The following SLC38A9 variants were observed in gnomAD, a reference collection of about 807,000 sequenced individuals.
SLC38A9 encodes the protein solute carrier family 38 member 9, also known as neutral amino acid transporter 9.
SLC38A9 carries 48 observed loss-of-function variants against 62.3 expected under a neutral mutation model. The observed-to-expected ratio is 0.77, with a 90% confidence interval of 0.61 to 0.98. The LOEUF is 0.98. Ranked by LOEUF, SLC38A9 falls within the 50% of genes least tolerant of loss-of-function variation. SLC38A9 has a pLI of 0.00. For synonymous variants in SLC38A9, 204 were observed against 227.7 expected, an observed-to-expected ratio of 0.90 and a Z score of 0.94; for missense variants, 541 against 679.8, an observed-to-expected ratio of 0.80 and a Z score of 2.27.
chr5:55,631,395 A>G (rs1196964490), intron 14 of SLC38A9, among the ~76,000 whole-genome samples: 1 of 152,260 alleles, frequency 6.6e-6, no homozygotes, highest in East Asian at 1.9e-4. Context: ...GACTTTTTCC[A>G]AGAAGAAAAA....
At chr5:55,630,626 T>A (rs1481634828) in intron 14 of SLC38A9, among the ~76,000 whole-genome samples, 1 of 152,090 alleles carries the variant, frequency 6.6e-6, no homozygotes, top group African/African-American at 2.4e-5. Context: ...AAATTAAAAA[T>A]TTTTTGAAAG....
chr5:55,706,715 G>A (rs1171908224), intron 2 of SLC38A9, among the ~76,000 whole-genome samples: 1 of 152,164 alleles, frequency 6.6e-6, no homozygotes, highest in Non-Finnish European at 1.5e-5. Flanking sequence ...ATGAAGAACT[G>A]TAAGAAAACT....
chr5:55,703,754 A>G (rs1756945317), intron 2 of SLC38A9, among the ~76,000 whole-genome samples: 2 of 152,206 alleles, frequency 1.3e-5, no homozygotes, highest in African/African-American at 4.8e-5. Flanking sequence ...GATGGAATGA[A>G]GTTAGGATTG....
At chr5:55,656,132 T>C (rs1748380443) in intron 9 of SLC38A9, among the ~76,000 whole-genome samples, 1 of 151,634 alleles carries the variant, frequency 6.6e-6, no homozygotes, top group South Asian at 2.1e-4. Context: ...ATATGGATAC[T>C]GTAGATAAAA....
intron 2 of SLC38A9, among the ~76,000 whole-genome samples, chr5:55,709,776 G>A (rs1393986017): frequency 6.6e-6 from 1 of 151,986 alleles, no homozygotes; most frequent in African/African-American, 2.4e-5. Context: ...AGAAATCTAA[G>A]GCTAACTGGC....
rs759238694 is a variant in SLC38A9, at chr5:55,664,860, G to A, written c.530C>T (p.Ser177Leu). ...RVVKSRTMMF[S>L]LDTTSWEYPD... ...ATATTCCCAGCTAGTGGTATCCAAC[G>A]AAACTAGATAAAATAAGAGAAAGAA... The change falls in exon 8 of 16, where the codon TCG (serine) becomes TTG (leucine). Residue 177 changes from serine (S) to leucine (L), a missense_variant. Ser to Leu is a moderately radical substitution (Grantham distance 145). Transcript: ENST00000396865. 6.6e-7 allele frequency: 1 copy of A among 1,522,018 alleles called. No homozygotes were observed. The highest frequency in any genetic ancestry group is 1.4e-5 in the African/African-American group (1 of 70,802). 94.3% of individuals were successfully genotyped at this position (1,522,018 alleles called of 1,614,324 possible).
intron 3 of SLC38A9, among the ~76,000 whole-genome samples, chr5:55,679,552 C>T (rs10940481): frequency 0.6 from 91,061 of 151,530 alleles, 27,900 homozygotes; most frequent in South Asian, 0.7. Context: ...TCTCTTATTT[C>T]TATGTCTACA....
intron 2 of SLC38A9, among the ~76,000 whole-genome samples, chr5:55,708,222 C>T (rs372804174): frequency 5.0e-4 from 76 of 152,132 alleles, no homozygotes; most frequent in African/African-American, 1.7e-3. Flanking sequence ...CTCAGCTACT[C>T]GGGAGGCTGA....
At chr5:55,631,536 A>G (rs1171041250) in intron 14 of SLC38A9, among the ~76,000 whole-genome samples, 1 of 152,376 alleles carries the variant, frequency 6.6e-6, no homozygotes, top group Admixed American at 6.5e-5. Context: ...ACAGCAGAGT[A>G]GAAACACAAT....
At chr5:55,634,555 A>C (rs1281128811) in intron 13 of SLC38A9, 1 of 152,134 alleles carries the variant, frequency 6.6e-6, no homozygotes, top group Admixed American at 6.6e-5. Context: ...CCTATTCCCA[A>C]GGGAGTAGGC....
intron 11 of SLC38A9, among the ~76,000 whole-genome samples, chr5:55,648,379 T>G (rs1394273342): frequency 6.6e-6 from 1 of 152,202 alleles, no homozygotes; most frequent in African/African-American, 2.4e-5. Flanking sequence ...ATACACTTTT[T>G]TAAAGAACAT....
chr5:55,700,969 T>A (rs1756569014), intron 2 of SLC38A9, among the ~76,000 whole-genome samples: 1 of 152,184 alleles, frequency 6.6e-6, no homozygotes, highest in African/African-American at 2.4e-5. Context: ...CTCTTGGTAA[T>A]CTTATGCAGT....
chr5:55,651,152 G>A lies in SLC38A9; in HGVS notation c.952+1377C>T, dbSNP rs1040246535. On this transcript the variant is annotated intron_variant, in intron 10 of 15. Transcript: ENST00000396865. ...ACATCCACAGGGAGGAAGTGAAATC[G>A]TATGGTTTATGTGGAGTTATCGATT... Among the ~76,000 whole-genome samples, 8 of 150,256 alleles carry A rather than the reference G, an allele frequency of 5.3e-5. 1 individual carries two copies. The South Asian group carries it at 8.5e-4, about 16-fold the overall frequency.
chr5:55,694,329 A>G (rs1052380018), intron 3 of SLC38A9: 1 of 160,754 alleles, frequency 6.2e-6, no homozygotes, highest in Non-Finnish European at 1.4e-5. Context: ...CCATTTGAGG[A>G]AGACAGATGG....
At chr5:55,657,245 G>C (rs1748616604) in intron 8 of SLC38A9, among the ~76,000 whole-genome samples, 1 of 152,064 alleles carries the variant, frequency 6.6e-6, no homozygotes, top group African/African-American at 2.4e-5. Flanking sequence ...TCACTTATGG[G>C]CATGATAATG....
intron 3 of SLC38A9, among the ~76,000 whole-genome samples, chr5:55,688,207 G>A (rs546017492): frequency 1.7e-4 from 26 of 152,084 alleles, no homozygotes; most frequent in African/African-American, 6.3e-4. Context: ...CTGCAAACAG[G>A]GATAGTTTGA....
At chr5:55,679,149 T>C (rs1200430116) in intron 3 of SLC38A9, among the ~76,000 whole-genome samples, 2 of 151,116 alleles carry the variant, frequency 1.3e-5, no homozygotes, top group Non-Finnish European at 3.0e-5. Context: ...GTATATAATA[T>C]GTAAGTATAG....
chr5:55,702,338 T>C (rs1349266583), intron 2 of SLC38A9, among the ~76,000 whole-genome samples: 1 of 151,942 alleles, frequency 6.6e-6, no homozygotes. Flanking sequence ...CATGGCTCAC[T>C]GCAGCCGCGA....
At chr5:55,657,006 G>A (rs1748570625) in intron 8 of SLC38A9, among the ~76,000 whole-genome samples, 1 of 151,868 alleles carries the variant, frequency 6.6e-6, no homozygotes, top group Non-Finnish European at 1.5e-5. Flanking sequence ...GACTACAAGC[G>A]CCCACCACCA....
Sources: allele counts gnomAD v4.1 joint callset (sites outside exome capture counted in the v4.1 genomes callset), GRCh38; gene constraint gnomAD v4.1.1; transcripts MANE v1.5; gene names NCBI Gene and HGNC (gene_info 2026-07-23, HGNC 2026-07-21).